The following DENND2A variants were observed in gnomAD, a reference collection of about 807,000 sequenced individuals.
The protein encoded by DENND2A is DENN domain containing 2A.
In DENND2A, 53 loss-of-function variants were observed where a neutral mutation model predicts 105.3. The observed-to-expected ratio is 0.50, with a 90% CI of 0.40 to 0.63. The LOEUF is 0.63. DENND2A is among the 30% of genes least tolerant of loss of function. DENND2A has a pLI of 0.00. For synonymous variants in DENND2A, 522 were observed against 508.4 expected, an observed-to-expected ratio of 1.03 and a Z score of -0.36; for missense variants, 1,138 against 1,279.6, an observed-to-expected ratio of 0.89 and a Z score of 1.69.
chr7:140,557,243 A>G (rs1797398740), intron 11 of DENND2A, among the ~76,000 whole-genome samples: 1 of 151,442 alleles, frequency 6.6e-6, no homozygotes, highest in African/African-American at 2.4e-5. Context: ...TGTCTCTACA[A>G]ATAATTAAAA....
Position 140,617,168 on chromosome 7 carries a change from T to G in DENND2A, c.-247-11362A>C, listed in dbSNP as rs150961450. Among the ~76,000 whole-genome samples the G allele has an allele frequency of 7.2e-5, 11 of 152,338 alleles. No homozygotes were observed. The East Asian group carries it at 2.1e-3, about 29-fold the overall frequency. ...CCACTGTGCACAGCCTGTAAGGCAG[T>G]ATTTTACTCCAGTAAATGCTTCTGT... On this transcript the variant is annotated intron_variant, in intron 1 of 19. Transcript: ENST00000496613.
At chr7:140,593,628 C>T (rs1023268648) in intron 3 of DENND2A, among the ~76,000 whole-genome samples, 1 of 152,198 alleles carries the variant, frequency 6.6e-6, no homozygotes, top group Non-Finnish European at 1.5e-5. Context: ...CAACTCCTTG[C>T]CCAGTGTTGC....
Position 140,589,287 on chromosome 7 carries a change from A to G in DENND2A, c.996-1507T>C, listed in dbSNP as rs534921028. 1.6e-3 allele frequency among the ~76,000 whole-genome samples: 241 copies of G among 152,298 alleles called. 1 individual carries two copies. The highest frequency in any genetic ancestry group is 5.5e-3 in the African/African-American group (229 of 41,558). On this transcript the variant is annotated intron_variant, in intron 3 of 19. Transcript: ENST00000496613. ...GAATTTCAACAGTTTGCTGTTGGGA[A>G]CCTGAACTAATTTTCCATACAAAAC...
Position 140,581,967 on chromosome 7 carries a change from A to ATG in DENND2A, c.1245+3620_1245+3621dup, listed in dbSNP as rs1554473256. 4.6e-3 allele frequency among the ~76,000 whole-genome samples: 536 copies of ATG among 117,738 alleles called. 4 individuals are homozygous for ATG. The highest frequency in any genetic ancestry group is 0.02 in the African/African-American group (505 of 25,172). The allele number at this position is 117,738 out of a possible 152,430, so 77.2% of individuals were successfully genotyped here. On this transcript the variant is annotated intron_variant, in intron 5 of 19. Coordinates refer to ENST00000496613, the MANE Select transcript of DENND2A (RefSeq NM_015689.5). ...CTGAATGCAGAGCTGCCTTGGGCAG[A>ATG]TGTTTTTTTTTTTTTGAGACAGAGT... is the stretch of plus-strand genomic sequence containing the variant.
chr7:140,563,633 C>T (rs537807944), intron 9 of DENND2A, among the ~76,000 whole-genome samples: 1 of 139,028 alleles, frequency 7.2e-6, no homozygotes, highest in African/African-American at 2.7e-5. Flanking sequence ...GATAAAATGC[C>T]TGACATGTAA....
chr7:140,582,121 C>T (rs1431122060), intron 5 of DENND2A, among the ~76,000 whole-genome samples: 6 of 152,096 alleles, frequency 3.9e-5, no homozygotes, highest in African/African-American at 1.4e-4. Context: ...CCCGCCACCA[C>T]ACCTGGCTAA....
At chr7:140,574,231 T>C (rs1369003361) in intron 5 of DENND2A, among the ~76,000 whole-genome samples, 1 of 152,134 alleles carries the variant, frequency 6.6e-6, no homozygotes, top group African/African-American at 2.4e-5. Context: ...TCAGTTTCTT[T>C]TTTTTGAGAT....
chr7:140,520,231 G>A (rs916490178), intron 18 of DENND2A, among the ~76,000 whole-genome samples: 6 of 151,944 alleles, frequency 3.9e-5, no homozygotes, highest in African/African-American at 7.2e-5. Context: ...GCTTGAACCC[G>A]GGAGGCGGAG....
Position 140,523,220 on chromosome 7 carries a change from C to A in DENND2A, c.2665+87G>T. 8.1e-7 allele frequency: 1 copy of A among 1,233,468 alleles called. No homozygotes were observed. Among genetic ancestry groups the A allele is most frequent in the Non-Finnish European group, 1.2e-6 (1 of 837,872 alleles). The allele number at this position is 1,233,468 out of a possible 1,614,324, so 76.4% of individuals were successfully genotyped here. A position where few individuals can be genotyped will look rare whatever the true frequency, so the allele number is the denominator to read the frequency against. Reference sequence around the variant, plus strand: ...TCCTTATGTCTCCCTTGCCCATATTCCTACTTGGCCCTTGGCCACTGCCCA... The same window carrying A: ...TCCTTATGTCTCCCTTGCCCATATTACTACTTGGCCCTTGGCCACTGCCCA... On this transcript the variant is annotated intron_variant, in intron 17 of 19. Coordinates refer to ENST00000496613, the MANE Select transcript of DENND2A (RefSeq NM_015689.5). This position sits in a 1 kb window ranked among gnomAD's most constrained non-coding sequence, Gnocchi z 4.5.
At chr7:140,550,103 G>A (rs958484901) in intron 12 of DENND2A, among the ~76,000 whole-genome samples, 3 of 114,242 alleles carry the variant, frequency 2.6e-5, no homozygotes, top group East Asian at 3.5e-4. Flanking sequence ...GTAGAATGGC[G>A]ATGGTGAGGG....
Position 140,621,942 on chromosome 7 carries a change from G to T in DENND2A, c.-247-16136C>A, listed in dbSNP as rs567659240. On this transcript the variant is annotated intron_variant, in intron 1 of 19. Coordinates refer to ENST00000496613, the MANE Select transcript of DENND2A (RefSeq NM_015689.5). ...GGAAGCACCAGCCACTGAATGAAAA[G>T]CAACACTGGCTCCATAAGGAGGAGA... is the stretch of plus-strand genomic sequence containing the variant. Among the ~76,000 whole-genome samples, 6 of 152,250 alleles carry T rather than the reference G, an allele frequency of 3.9e-5. No individual in the cohort carries two copies. In the South Asian group the frequency reaches 1.2e-3, roughly 32 times the overall value.
At chr7:140,591,671 C>CTCTTTCTTTCTTTCTT (rs890090370) in intron 3 of DENND2A, among the ~76,000 whole-genome samples, 70 of 146,234 alleles carry the variant, frequency 4.8e-4, no homozygotes, top group Middle Eastern at 3.6e-3. Context: ...TTCTTTCTTT[C>CTCTTTCTTTCTTTCTT]TCTTTCTTTC....
In DENND2A at chr7:140,519,672, A is replaced by G; in HGVS notation, c.2958T>C (p.Ser986=). The change falls in exon 19 of 20, where the codon AGT becomes AGC. Residue 986 remains serine, a synonymous_variant. Transcript: ENST00000496613. The stretch of plus-strand genomic sequence containing the variant: ...ACTTATTGACACCGCTGTGCTCTCC[A>G]CTGGGGAGTGTTTCCAGATACTCTT... ...RAQEYLETLP[S]GEHSGVNKFL... 1 of 1,614,070 alleles carries G rather than the reference A, an allele frequency of 6.2e-7. No individual in the cohort carries two copies.
At chr7:140,604,945 C>A (rs188458970) in intron 2 of DENND2A, among the ~76,000 whole-genome samples, 2 of 152,278 alleles carry the variant, frequency 1.3e-5, no homozygotes, top group African/African-American at 4.8e-5. Context: ...TTGGTATCAA[C>A]AAATGGTAAC....
chr7:140,527,447 G>C lies in DENND2A; in HGVS notation c.2376C>G (p.Phe792Leu). The part of the protein sequence containing the change: ...CHAMVALIYP[F>L]AWQHTYIPVL... ...CCGGGATGTAGGTGTGCTGCCAGGC[G>C]AAGGGGTAGATCAGCGCCACCATCG... The change falls in exon 15 of 20, where the codon TTC becomes TTG. Residue 792 changes from phenylalanine to leucine, a missense_variant. Phe to Leu is a conservative substitution (Grantham distance 22). This residue lies in a region of DENND2A where 627 missense variants were observed against 779.8 expected (regional missense o/e 0.80). Coordinates refer to ENST00000496613, the MANE Select transcript of DENND2A (RefSeq NM_015689.5). This position sits in a 1 kb window ranked among gnomAD's most constrained non-coding sequence, Gnocchi z 4.9. 1 of 1,605,892 alleles carries C rather than the reference G, an allele frequency of 6.2e-7. No homozygotes were observed. Among genetic ancestry groups the C allele is most frequent in the East Asian group, 2.2e-5 (1 of 44,580 alleles).
At chr7:140,546,291 A>T (rs1796900664) in intron 13 of DENND2A, among the ~76,000 whole-genome samples, 1 of 151,956 alleles carries the variant, frequency 6.6e-6, no homozygotes, top group Admixed American at 6.6e-5. Context: ...GGCAGCAGGC[A>T]CCTGTAGTCT....
Position 140,640,340 on chromosome 7 carries a change from A to C in DENND2A, c.-248+164T>G, listed in dbSNP as rs1301930366. The C allele has an allele frequency of 6.6e-6, 1 of 152,164 alleles. No individual in the cohort carries two copies. The highest frequency in any genetic ancestry group is 1.9e-4 in the East Asian group (1 of 5,150). 9.4% of individuals were successfully genotyped at this position (152,164 alleles called of 1,614,324 possible). A position where few individuals can be genotyped will look rare whatever the true frequency, so the allele number is the denominator to read the frequency against. On this transcript the variant is annotated intron_variant, in intron 1 of 19. Coordinates refer to ENST00000496613, the MANE Select transcript of DENND2A (RefSeq NM_015689.5). This position sits in a 1 kb window ranked among gnomAD's most constrained non-coding sequence, Gnocchi z 4.9. ...GGAACGCCTGGATCGCGCTCTGCAC[A>C]GTCCCGGGACCAGGCGGGAACTCAG...
At chr7:140,632,344 A>G (rs1800761131) in intron 1 of DENND2A, among the ~76,000 whole-genome samples, 1 of 152,088 alleles carries the variant, frequency 6.6e-6, no homozygotes. Flanking sequence ...CCCCTTCCCT[A>G]AACTCAAGCC....
At chr7:140,625,058 C>T (rs1228320875) in intron 1 of DENND2A, among the ~76,000 whole-genome samples, 1 of 150,648 alleles carries the variant, frequency 6.6e-6, no homozygotes, top group Non-Finnish European at 1.5e-5. Flanking sequence ...AAACAAAACA[C>T]ATTTGCCTTA....
Sources: gnomAD v4.1 joint callset for allele counts (sites outside exome capture counted in the v4.1 genomes callset) on GRCh38, gnomAD v4.1.1 for gene constraint, gnomAD v4.1.1 regional missense constraint, Gnocchi (gnomAD v3.1) non-coding constraint, MANE v1.5 for transcripts, NCBI Gene and HGNC (gene_info 2026-07-23, HGNC 2026-07-21) for gene names.